ADCY2: variants seen among roughly 807,000 people sequenced by gnomAD.
The protein encoded by ADCY2 is adenylate cyclase 2.
Under a neutral mutation model 125.2 loss-of-function variants are expected in ADCY2, and 31 were observed. The observed-to-expected ratio is 0.25, with a 90% CI of 0.19 to 0.33. The LOEUF is 0.33. Ranked by LOEUF, ADCY2 falls within the 10% of genes least tolerant of loss-of-function variation. The probability of loss-of-function intolerance (pLI) is 1.00; values close to 1 mark genes in which losing one functional copy is unlikely to be tolerated. For synonymous variants in ADCY2, 512 were observed against 548.4 expected (o/e 0.93, Z 0.93); for missense variants, 904 against 1,418.2 (o/e 0.64, Z 5.82).
chr5:7,634,273 T>C (rs1738419764), intron 4 of ADCY2, among the ~76,000 whole-genome samples: 1 of 152,240 alleles, frequency 6.6e-6, no homozygotes, highest in Non-Finnish European at 1.5e-5. Flanking sequence ...AACCGAGGTA[T>C]CCATTTATAT....
At chr5:7,525,954 T>C (rs1392447833) in intron 3 of ADCY2, among the ~76,000 whole-genome samples, 2 of 152,152 alleles carry the variant, frequency 1.3e-5, no homozygotes, top group Non-Finnish European at 2.9e-5. Flanking sequence ...TGCAAGCATG[T>C]TCCCCTCCCT....
At chr5:7,499,114 TCTC>T (rs1370495489) in intron 2 of ADCY2, among the ~76,000 whole-genome samples, 1 of 152,088 alleles carries the variant, frequency 6.6e-6, no homozygotes. Flanking sequence ...TTCAAGCAAT[TCTC>T]CTGCCTGAGC....
chr5:7,701,490 T>C (rs1414513780), intron 7 of ADCY2, among the ~76,000 whole-genome samples: 1 of 152,208 alleles, frequency 6.6e-6, no homozygotes, highest in Non-Finnish European at 1.5e-5. Flanking sequence ...GAATCATTTT[T>C]ATGTGTATAT....
At chr5:7,599,725 T>C (rs1302889576) in intron 3 of ADCY2, among the ~76,000 whole-genome samples, 1 of 152,014 alleles carries the variant, frequency 6.6e-6, no homozygotes, top group Non-Finnish European at 1.5e-5. Flanking sequence ...TTTCAAGGTG[T>C]GTGGAGCTAG....
At chr5:7,768,218 C>T (rs1412337746) in intron 17 of ADCY2, among the ~76,000 whole-genome samples, 1 of 152,204 alleles carries the variant, frequency 6.6e-6, no homozygotes, top group African/African-American at 2.4e-5. Flanking sequence ...TTATCATAAA[C>T]TCCAGTAAGG....
intron 2 of ADCY2, among the ~76,000 whole-genome samples, chr5:7,421,419 A>ACTCCAT (rs1314449642): frequency 2.6e-5 from 4 of 151,890 alleles, no homozygotes; most frequent in African/African-American, 9.7e-5. Flanking sequence ...CAGACACATC[A>ACTCCAT]CTCCATCTCT....
chr5:7,504,563 T>G (rs1356647564), intron 2 of ADCY2, among the ~76,000 whole-genome samples: 1 of 152,086 alleles, frequency 6.6e-6, no homozygotes, highest in East Asian at 1.9e-4. Context: ...AAGTACCATT[T>G]TTTCTTATCT....
At chr5:7,654,293 G>A (rs891267557) in intron 4 of ADCY2, 1 of 372,710 alleles carries the variant, frequency 2.7e-6, no homozygotes, top group African/African-American at 2.1e-5. Flanking sequence ...CTCTGGTGGG[G>A]TGGCGGGGAG....
At chr5:7,651,481 A>C (rs1739087239) in intron 4 of ADCY2, among the ~76,000 whole-genome samples, 2 of 152,134 alleles carry the variant, frequency 1.3e-5, no homozygotes, top group South Asian at 4.1e-4. Context: ...AGAGAACTTG[A>C]AGTCCGATGT....
chr5:7,458,462 T>C (rs1471327825), intron 2 of ADCY2, among the ~76,000 whole-genome samples: 1 of 152,234 alleles, frequency 6.6e-6, no homozygotes, highest in African/African-American at 2.4e-5. Context: ...ATATAATTTA[T>C]ATTTTTAGAG....
At chr5:7,607,181 T>G (rs1402793561) in intron 3 of ADCY2, among the ~76,000 whole-genome samples, 5 of 152,234 alleles carry the variant, frequency 3.3e-5, no homozygotes, top group African/African-American at 1.2e-4. Context: ...CCTGATGTAG[T>G]GGAAGGATGA....
intron 3 of ADCY2, among the ~76,000 whole-genome samples, chr5:7,553,516 G>C (rs909399727): frequency 6.6e-6 from 1 of 152,210 alleles, no homozygotes; most frequent in Non-Finnish European, 1.5e-5. Context: ...AGGAAAAAGT[G>C]GGCAGACTAC....
At chr5:7,625,881 C>T (rs371682462) in intron 3 of ADCY2, among the ~76,000 whole-genome samples, 1 of 152,158 alleles carries the variant, frequency 6.6e-6, no homozygotes, top group East Asian at 1.9e-4. Flanking sequence ...TTATTTCTGT[C>T]CACATTGCAT....
At chr5:7,614,588 T>A (rs761225989) in intron 3 of ADCY2, among the ~76,000 whole-genome samples, 2 of 152,196 alleles carry the variant, frequency 1.3e-5, no homozygotes, top group African/African-American at 2.4e-5. Flanking sequence ...GGGTGGTCCC[T>A]GTTTGCTGCT....
At chr5:7,431,567 T>A (rs1186087221) in intron 2 of ADCY2, among the ~76,000 whole-genome samples, 10 of 149,336 alleles carry the variant, frequency 6.7e-5, no homozygotes, top group African/African-American at 2.3e-4. Context: ...TTTATGAAAG[T>A]TGCTTTGATT....
At position 7,816,801 on chromosome 5, in the gene ADCY2, C is replaced by G. The variant is rs193234248; in HGVS notation, c.2884-65C>G. The G allele has an allele frequency of 9.9e-5, 134 of 1,359,490 alleles. No individual in the cohort carries two copies. The East Asian group carries it at 3.0e-3, about 31-fold the overall frequency. The allele number at this position is 1,359,490 out of a possible 1,614,324, so 84.2% of individuals were successfully genotyped here. ...TTCTGCCTAAAGCTCAGGTTTGGGA[C>G]AAAGGGGAACAGTTTCCAGCTGTGA... On this transcript the variant is annotated intron_variant, in intron 22 of 24. Transcript: ENST00000338316.
intron 3 of ADCY2, among the ~76,000 whole-genome samples, chr5:7,601,873 A>G (rs1737221334): frequency 1.3e-5 from 2 of 152,170 alleles, no homozygotes; most frequent in African/African-American, 4.8e-5. Flanking sequence ...TTGGTGACTT[A>G]CAACGTGACA....
intron 2 of ADCY2, among the ~76,000 whole-genome samples, chr5:7,447,715 G>T (rs985200447): frequency 8.5e-5 from 13 of 152,220 alleles, no homozygotes; most frequent in Non-Finnish European, 2.9e-5. Context: ...GCACAGTGGG[G>T]AGCTGGATCT....
chr5:7,429,308 AT>A (rs1554008018), intron 2 of ADCY2, among the ~76,000 whole-genome samples: 1 of 152,218 alleles, frequency 6.6e-6, no homozygotes, highest in Non-Finnish European at 1.5e-5. Context: ...GTAAAAATCC[AT>A]GTTTACTCAG....
Sources: allele counts gnomAD v4.1 joint callset (sites outside exome capture counted in the v4.1 genomes callset), GRCh38; gene constraint gnomAD v4.1.1; transcripts MANE v1.5; gene names NCBI Gene and HGNC (gene_info 2026-07-23, HGNC 2026-07-21).